The following NOL4 variants were observed in gnomAD, a reference collection of about 807,000 sequenced individuals.
The protein encoded by NOL4 is nucleolar protein 4, also known as cancer/testis antigen 125.
In NOL4, 17 loss-of-function variants were observed where a neutral mutation model predicts 75.9. That is an observed-to-expected ratio of 0.22 (90% CI 0.15 to 0.34). The LOEUF (loss-of-function observed/expected upper bound fraction) is 0.34, where lower values mean the gene tolerates loss of function less well. Among genes scored for constraint, NOL4 ranks in the 10% least tolerant of loss-of-function variants. NOL4 has a pLI of 1.00. For synonymous variants in NOL4, 292 were observed against 289.9 expected (o/e 1.01, Z -0.07); for missense variants, 614 against 793.5 (o/e 0.77, Z 2.72).
intron 5 of NOL4, among the ~76,000 whole-genome samples, chr18:34,073,536 T>C (rs926266822): frequency 6.6e-6 from 1 of 152,010 alleles, no homozygotes; most frequent in African/African-American, 2.4e-5. Flanking sequence ...TTATATTATA[T>C]TGTTTAGGGA....
At position 33,970,489 on chromosome 18, in the gene NOL4, A is replaced by G. The variant is rs974509143; in HGVS notation, c.1057-12071T>C. On this transcript the variant is annotated intron_variant, in intron 6 of 10. Transcript: ENST00000261592. ...TCATGTGACATACTTACTTTCTTTTATGTATGAATTGTAGAATGACCAATG... is the reference window on the plus strand; with the variant it reads ...TCATGTGACATACTTACTTTCTTTTGTGTATGAATTGTAGAATGACCAATG... Among the ~76,000 whole-genome samples the G allele has an allele frequency of 3.9e-5, 6 of 152,122 alleles. No individual in the cohort carries two copies. The East Asian group carries it at 1.2e-3, about 29-fold the overall frequency.
chr18:33,910,574 A>G (rs1297527073), intron 9 of NOL4, among the ~76,000 whole-genome samples: 1 of 150,172 alleles, frequency 6.7e-6, no homozygotes, highest in Non-Finnish European at 1.5e-5. Context: ...GATTTCCCTA[A>G]CCCACCCCAC....
intron 8 of NOL4, among the ~76,000 whole-genome samples, chr18:33,952,445 A>G (rs77207669): frequency 0.053 from 7,997 of 152,238 alleles, 474 homozygotes; most frequent in African/African-American, 0.14. Context: ...AGAAGAAGGG[A>G]TAGAAAGGTA....
At chr18:33,907,464 T>A (rs1452643) in intron 9 of NOL4, among the ~76,000 whole-genome samples, 129,411 of 152,094 alleles carry the variant, frequency 0.85, 55,154 homozygotes, top group East Asian at 0.97. Flanking sequence ...ACAATAAGCA[T>A]TTTCTCCCAA....
intron 5 of NOL4, among the ~76,000 whole-genome samples, chr18:34,049,938 T>C (rs1367707853): frequency 2.0e-5 from 3 of 152,164 alleles, no homozygotes; most frequent in Non-Finnish European, 4.4e-5. Context: ...CCTAATGCGT[T>C]TGAAAAGCTT....
At chr18:34,203,707 TCTCTCTCTCTCACA>T (rs1486615134) in intron 1 of NOL4, among the ~76,000 whole-genome samples, 1 of 104,812 alleles carries the variant, frequency 9.5e-6, no homozygotes, top group Admixed American at 1.0e-4. Context: ...TCTCTCTCTC[TCTCTCTCTCTCACA>T]CACACACACA....
At chr18:34,128,754 C>T (rs2080497515) in intron 2 of NOL4, 2 of 346,012 alleles carry the variant, frequency 5.8e-6, no homozygotes, top group Non-Finnish European at 8.2e-6. Context: ...TATGCAACTA[C>T]AAAGATTCAA....
At chr18:34,055,677 T>C (rs2076805653) in intron 5 of NOL4, among the ~76,000 whole-genome samples, 2 of 152,154 alleles carry the variant, frequency 1.3e-5, no homozygotes, top group Middle Eastern at 3.2e-3. Context: ...CATTATTTCT[T>C]CAAATAAACT....
chr18:33,889,387 C>A (rs989612242), intron 9 of NOL4, among the ~76,000 whole-genome samples: 1 of 151,952 alleles, frequency 6.6e-6, no homozygotes, highest in Non-Finnish European at 1.5e-5. Context: ...AATAGCCTAC[C>A]AACCAAAAAA....
chr18:34,157,554 C>A lies in NOL4; in HGVS notation c.265-27534G>T, dbSNP rs115713437. 9.2e-3 allele frequency among the ~76,000 whole-genome samples: 1,340 copies of A among 145,774 alleles called. 20 individuals carry two copies. The highest frequency in any genetic ancestry group is 0.032 in the African/African-American group (1,251 of 39,350). ...CACAAGATAACACAGATTTAGAAGA[C>A]AAGAAAATAAGATGGCAGATAAAAC... is the stretch of plus-strand genomic sequence containing the variant. On this transcript the variant is annotated intron_variant, in intron 1 of 10. Transcript: ENST00000261592.
intron 5 of NOL4, among the ~76,000 whole-genome samples, chr18:34,043,924 C>T (rs2076249235): frequency 6.6e-6 from 1 of 151,986 alleles, no homozygotes; most frequent in African/African-American, 2.4e-5. Flanking sequence ...AAATGTATAC[C>T]TCCAGAATTA....
intron 1 of NOL4, among the ~76,000 whole-genome samples, chr18:34,154,989 G>T (rs549348901): frequency 3.3e-5 from 5 of 151,866 alleles, no homozygotes; most frequent in African/African-American, 9.6e-5. Context: ...TTTATTGGCT[G>T]GTCTCCCTTT....
intron 6 of NOL4, among the ~76,000 whole-genome samples, chr18:33,994,149 G>GA (rs1175091195): frequency 6.6e-6 from 1 of 151,516 alleles, no homozygotes; most frequent in Non-Finnish European, 1.5e-5. Context: ...CAATAAACAG[G>GA]AAAAAATAAC....
At chr18:34,154,557 A>G (rs1221651320) in intron 1 of NOL4, among the ~76,000 whole-genome samples, 1 of 152,078 alleles carries the variant, frequency 6.6e-6, no homozygotes, top group Non-Finnish European at 1.5e-5. Context: ...TAAAATATGC[A>G]ATAAGTTATT....
At chr18:34,064,021 G>A (rs1208377149) in intron 5 of NOL4, among the ~76,000 whole-genome samples, 1 of 151,980 alleles carries the variant, frequency 6.6e-6, no homozygotes, top group Non-Finnish European at 1.5e-5. Context: ...TGGTATAATT[G>A]AGTGGTTCTT....
intron 5 of NOL4, among the ~76,000 whole-genome samples, chr18:34,064,918 A>AACACACACACAC (rs66465203): frequency 3.1e-5 from 3 of 95,452 alleles, no homozygotes; most frequent in African/African-American, 9.8e-5. Context: ...GGTATTTTTT[A>AACACACACACAC]ACACACACAC....
rs1000044873 is a variant in NOL4, at chr18:33,887,259, A to G, written c.1543-3835T>C. On this transcript the variant is annotated intron_variant, in intron 9 of 10. Transcript: ENST00000261592. ...AATCCCTGGAAAAGTAAACTACTTT[A>G]GAATAGCATAATCCTAAATGAAAAT... 7.3e-5 allele frequency among the ~76,000 whole-genome samples: 11 copies of G among 150,858 alleles called. No individual in the cohort carries two copies. In the Admixed American group the frequency reaches 7.3e-4, roughly 10 times the overall value.
At chr18:33,920,646 G>C (rs2066982819) in intron 9 of NOL4, among the ~76,000 whole-genome samples, 1 of 152,230 alleles carries the variant, frequency 6.6e-6, no homozygotes, top group Non-Finnish European at 1.5e-5. Flanking sequence ...GTGATTTATG[G>C]GTCCAATCAA....
chr18:33,864,114 T>A lies in NOL4; in HGVS notation c.1724-11079A>T, dbSNP rs78068237. Reference sequence around the variant, plus strand: ...TGCACACAGCAGCAAGTCCTGGGCTTGGCCCAGGAAACCATTTGTTCCTCC... The same window carrying A: ...TGCACACAGCAGCAAGTCCTGGGCTAGGCCCAGGAAACCATTTGTTCCTCC... On this transcript the variant is annotated intron_variant, in intron 10 of 10. Coordinates refer to ENST00000261592, the MANE Select transcript of NOL4 (RefSeq NM_003787.5). 9.4e-3 allele frequency among the ~76,000 whole-genome samples: 1,433 copies of A among 152,276 alleles called. 23 individuals carry two copies. Among genetic ancestry groups the A allele is most frequent in the African/African-American group, 0.032 (1,340 of 41,570 alleles).
Sources: gnomAD v4.1 joint callset for allele counts (sites outside exome capture counted in the v4.1 genomes callset) on GRCh38, gnomAD v4.1.1 for gene constraint, MANE v1.5 for transcripts, NCBI Gene and HGNC (gene_info 2026-07-23, HGNC 2026-07-21) for gene names.